The following BEND3 variants were observed in gnomAD, a reference collection of about 807,000 sequenced individuals.
BEND3 encodes BEN domain-containing protein 3.
Under a neutral mutation model 60.1 loss-of-function variants are expected in BEND3, and 13 were observed. The observed-to-expected ratio is 0.22, with a 90% CI of 0.14 to 0.34. The LOEUF (loss-of-function observed/expected upper bound fraction) is 0.34. Among genes scored for constraint, BEND3 ranks in the 10% least tolerant of loss-of-function variants. The pLI, the probability that BEND3 is intolerant of heterozygous loss-of-function variation, is 1.00. For missense variants in BEND3, 896 were observed against 1,138.1 expected, an observed-to-expected ratio of 0.79 and a Z score of 3.06; for synonymous variants, 497 against 491.5, an observed-to-expected ratio of 1.01 and a Z score of -0.15.
chr6:107,083,317 A>C (rs1328466799), intron 3 of BEND3, among the ~76,000 whole-genome samples: 2 of 152,114 alleles, frequency 1.3e-5, no homozygotes, highest in Non-Finnish European at 2.9e-5. Context: ...ATTTCTAATT[A>C]TTCGTTTATT....
At chr6:107,085,490 TTTA>T (rs1239355247) in intron 3 of BEND3, among the ~76,000 whole-genome samples, 8 of 152,142 alleles carry the variant, frequency 5.3e-5, no homozygotes, top group Non-Finnish European at 8.8e-5. Context: ...TTAAATTTTA[TTTA>T]TTTTTTATTT....
chr6:107,110,030 C>CAAAAAAAAAAAAAAAAAAAAAAAAAAA (rs10708512), intron 1 of BEND3, among the ~76,000 whole-genome samples: 1 of 125,554 alleles, frequency 8.0e-6, no homozygotes. Context: ...GACCCTGACT[C>CAAAAAAAAAAAAAAAAAAAAAAAAAAA]AAAAAAAAAA....
At chr6:107,074,576 T>A (rs1391386938) in intron 3 of BEND3, among the ~76,000 whole-genome samples, 1 of 152,224 alleles carries the variant, frequency 6.6e-6, no homozygotes, top group Non-Finnish European at 1.5e-5. Flanking sequence ...TGCCTCAGGG[T>A]AAGTCACTCA....
At chr6:107,108,100 C>G (rs73521749) in intron 1 of BEND3, among the ~76,000 whole-genome samples, 2 of 152,026 alleles carry the variant, frequency 1.3e-5, no homozygotes, top group East Asian at 1.9e-4. Context: ...TGAAAAATAC[C>G]AGTCCTCACA....
chr6:107,111,070 T>C (rs561156140), intron 1 of BEND3, among the ~76,000 whole-genome samples: 1 of 151,280 alleles, frequency 6.6e-6, no homozygotes, highest in Admixed American at 6.6e-5. Context: ...GAGGCTGAGG[T>C]GGGAGGATCG....
intron 1 of BEND3, among the ~76,000 whole-genome samples, chr6:107,104,088 T>C (rs1481694121): frequency 6.6e-6 from 1 of 150,638 alleles, no homozygotes; most frequent in Non-Finnish European, 1.5e-5. Flanking sequence ...ATGGAGACCA[T>C]CCTGGCTAAC....
At chr6:107,075,078 C>T (rs1179357255) in intron 3 of BEND3, among the ~76,000 whole-genome samples, 1 of 149,228 alleles carries the variant, frequency 6.7e-6, no homozygotes, top group Non-Finnish European at 1.5e-5. Context: ...GGCAACAGAG[C>T]GTCTCAAAAA....
At chr6:107,089,400 G>A (rs1199628929) in intron 3 of BEND3, among the ~76,000 whole-genome samples, 2 of 151,442 alleles carry the variant, frequency 1.3e-5, no homozygotes, top group Admixed American at 1.3e-4. Context: ...GGCTAACACG[G>A]TGAAACCCCA....
intron 3 of BEND3, among the ~76,000 whole-genome samples, chr6:107,097,219 T>C (rs1203222171): frequency 6.7e-6 from 1 of 150,338 alleles, no homozygotes; most frequent in Non-Finnish European, 1.5e-5. Flanking sequence ...ATACAAAAAT[T>C]AGCCGGGCGT....
In BEND3 at chr6:107,068,373, C is replaced by T; in HGVS notation, c.*331G>A. The T allele has an allele frequency of 4.3e-6, 1 of 230,636 alleles. No homozygotes were observed. The highest frequency in any genetic ancestry group is 8.4e-6 in the Non-Finnish European group (1 of 119,674). 14.3% of individuals were successfully genotyped at this position (230,636 alleles called of 1,614,324 possible). ...AGGGGCAAGAGAGTTGCTGGGTTTG[C>T]ATTATAAGCTGTGAGGGGCTGGGGA... On this transcript the variant is annotated 3_prime_UTR_variant, in exon 4 of 4. Transcript: ENST00000369042. This position sits in a 1 kb window ranked among gnomAD's most constrained non-coding sequence, Gnocchi z 5.8.
At chr6:107,106,621 T>C (rs1467094793) in intron 1 of BEND3, among the ~76,000 whole-genome samples, 4 of 152,160 alleles carry the variant, frequency 2.6e-5, no homozygotes, top group African/African-American at 9.7e-5. Context: ...CATTTTTTTT[T>C]TCCCCAGAGA....
intron 3 of BEND3, among the ~76,000 whole-genome samples, chr6:107,085,500 A>AT (rs1221619866): frequency 3.9e-4 from 59 of 150,672 alleles, no homozygotes; most frequent in Admixed American, 2.4e-3. Flanking sequence ...TTTATTTTTT[A>AT]TTTTTTTTTG....
At chr6:107,103,975 GAA>G (rs1775758736) in intron 1 of BEND3, among the ~76,000 whole-genome samples, 2 of 148,878 alleles carry the variant, frequency 1.3e-5, no homozygotes, top group African/African-American at 4.9e-5. Context: ...AAGAAAGAAA[GAA>G]AGAAAGAAAG....
chr6:107,077,176 G>T (rs1775117995), intron 3 of BEND3, among the ~76,000 whole-genome samples: 1 of 152,130 alleles, frequency 6.6e-6, no homozygotes, highest in Admixed American at 6.6e-5. Context: ...TCACCATGTT[G>T]TCCAGGCTGG....
intron 1 of BEND3, among the ~76,000 whole-genome samples, chr6:107,110,774 G>C (rs1554238279): frequency 2.0e-5 from 3 of 151,928 alleles, no homozygotes; most frequent in African/African-American, 7.2e-5. Flanking sequence ...AGGCTGGTCT[G>C]CAACTCCTGG....
intron 1 of BEND3, among the ~76,000 whole-genome samples, chr6:107,109,432 G>A (rs1554238053): frequency 6.0e-4 from 2 of 3,316 alleles, no homozygotes; most frequent in Non-Finnish European, 3.3e-3. Flanking sequence ...GACAGAGCAA[G>A]ACTCTGTCTC....
chr6:107,086,777 A>C (rs1165262706), intron 3 of BEND3, among the ~76,000 whole-genome samples: 2 of 151,714 alleles, frequency 1.3e-5, no homozygotes, highest in African/African-American at 2.4e-5. Context: ...CTGTAATCCC[A>C]GCACTTTGGG....
At position 107,068,045 on chromosome 6, in the gene BEND3, C is replaced by T. The variant is rs782623941; in HGVS notation, c.*659G>A. On this transcript the variant is annotated 3_prime_UTR_variant, in exon 4 of 4. Coordinates refer to ENST00000369042, the MANE Select transcript of BEND3 (RefSeq NM_001367314.1). The surrounding 1 kb of genome is among the most constrained non-coding windows in gnomAD (Gnocchi z 5.8). Reference sequence around the variant, plus strand: ...AGGCCAAGCTGAACGGAAGCCTTCCCTGGCACCAGAGCAGAAGGGAAAACT... The same window carrying T: ...AGGCCAAGCTGAACGGAAGCCTTCCTTGGCACCAGAGCAGAAGGGAAAACT... 1 of 152,320 alleles carries T rather than the reference C, an allele frequency of 6.6e-6. No homozygotes were observed. The highest frequency in any genetic ancestry group is 1.5e-5 in the Non-Finnish European group (1 of 68,112). 9.4% of individuals were successfully genotyped at this position (152,320 alleles called of 1,614,324 possible).
intron 3 of BEND3, among the ~76,000 whole-genome samples, chr6:107,074,233 C>A (rs781907928): frequency 1.3e-5 from 2 of 152,014 alleles, no homozygotes; most frequent in East Asian, 3.9e-4. Context: ...CTGGCCAACA[C>A]GGTGAAACCC....
Sources: allele counts gnomAD v4.1 joint callset (sites outside exome capture counted in the v4.1 genomes callset), GRCh38; gene constraint gnomAD v4.1.1; non-coding constraint Gnocchi (gnomAD v3.1); transcripts MANE v1.5; gene names NCBI Gene and HGNC (gene_info 2026-07-23, HGNC 2026-07-21).